CLTCL1: variants seen among roughly 807,000 people sequenced by gnomAD.
CLTCL1 encodes clathrin heavy chain like 1, also known as clathrin heavy chain 2.
CLTCL1 carries 159 observed loss-of-function variants against 190.0 expected under a neutral mutation model. The ratio of observed to expected loss-of-function variants is 0.84; its 90% confidence interval spans 0.74 to 0.95. The LOEUF is 0.95. CLTCL1 is among the 40% of genes least tolerant of loss of function. The probability of loss-of-function intolerance (pLI) is 0.00; values close to 1 mark genes in which losing one functional copy is unlikely to be tolerated. For missense variants in CLTCL1, 1,878 were observed against 2,033.4 expected (o/e 0.92, Z 1.47); for synonymous variants, 752 against 769.6 (o/e 0.98, Z 0.38).
intron 19 of CLTCL1, among the ~76,000 whole-genome samples, chr22:19,212,799 T>C (rs1194081446): frequency 6.6e-6 from 1 of 152,182 alleles, no homozygotes; most frequent in Non-Finnish European, 1.5e-5. Flanking sequence ...GACATTCATA[T>C]GCAAAAAGCT....
chr22:19,283,906 C>T (rs1194672353), intron 1 of CLTCL1, among the ~76,000 whole-genome samples: 2 of 150,940 alleles, frequency 1.3e-5, no homozygotes, highest in African/African-American at 2.4e-5. Context: ...GAACAAGAAT[C>T]GCTTGAAACC....
chr22:19,276,907 C>T (rs1197338868), intron 1 of CLTCL1, among the ~76,000 whole-genome samples: 3 of 152,216 alleles, frequency 2.0e-5, no homozygotes, highest in South Asian at 2.1e-4. Flanking sequence ...CTCCTGACCT[C>T]GTGATCCGCC....
In CLTCL1 at chr22:19,221,409, C is replaced by T. The variant is rs1555952175; in HGVS notation, c.2764G>A (p.Glu922Lys). 1.3e-6 allele frequency: 2 copies of T among 1,556,934 alleles called. No individual in the cohort carries two copies. The highest frequency in any genetic ancestry group is 1.7e-6 in the Non-Finnish European group (2 of 1,149,994). ...RDPHLACVAY[E>K]RGQCDLELIK... The stretch of plus-strand genomic sequence containing the variant: ...AGCTCAAGGTCACACTGCCCCCGCT[C>T]ATAGGCAACACAGGCCAGATGGGGG... Residue 922 changes from glutamate to lysine, a missense_variant, in exon 17 of 33, where the codon GAG becomes AAG. Glu to Lys is a moderately conservative substitution (Grantham distance 56, BLOSUM62 1). Coordinates refer to ENST00000427926, the MANE Select transcript of CLTCL1 (RefSeq NM_007098.4).
At position 19,242,941 on chromosome 22, in the gene CLTCL1, G is replaced by A. The variant is rs782626385; in HGVS notation, c.520-5C>T. ...TGCTCCAACCACACGGTTTTGCTAAGAAAAGATATTATGCAATGAAAGGGA... is the reference window on the plus strand; with the variant it reads ...TGCTCCAACCACACGGTTTTGCTAAAAAAAGATATTATGCAATGAAAGGGA... On this transcript the variant is annotated splice_region_variant and splice_polypyrimidine_tract_variant and intron_variant, in intron 3 of 32. Transcript: ENST00000427926. 9.3e-6 allele frequency: 15 copies of A among 1,609,912 alleles called. No individual in the cohort carries two copies. In the Admixed American group the frequency reaches 2.3e-4, roughly 25 times the overall value.
intron 2 of CLTCL1, among the ~76,000 whole-genome samples, chr22:19,273,739 C>A (rs1368173762): frequency 3.9e-5 from 6 of 152,206 alleles, no homozygotes; most frequent in African/African-American, 1.4e-4. Flanking sequence ...TAAAAATTAC[C>A]CCCACTTGCT....
At position 19,196,280 on chromosome 22, in the gene CLTCL1, C is replaced by CCTTGAACTGACCCTCCTT; in HGVS notation, c.4159_4176dup (p.Lys1387_Lys1392dup). The stretch of plus-strand genomic sequence containing the variant: ...TCCCCTCTTACCTTGGTAATGATGT[C>CCTTGAACTGACCCTCCTT]CTTGAACTGACCCTCCTTCCAGGCC... On this transcript the variant is annotated inframe_insertion, in exon 26 of 33. Coordinates refer to ENST00000427926, the MANE Select transcript of CLTCL1 (RefSeq NM_007098.4). The CCTTGAACTGACCCTCCTT allele has an allele frequency of 1.2e-6, 2 of 1,613,432 alleles. No individual in the cohort carries two copies. Among genetic ancestry groups the CCTTGAACTGACCCTCCTT allele is most frequent in the Non-Finnish European group, 1.7e-6 (2 of 1,179,822 alleles).
intron 19 of CLTCL1, among the ~76,000 whole-genome samples, chr22:19,214,946 T>G (rs1009862201): frequency 3.3e-4 from 51 of 152,354 alleles, no homozygotes; most frequent in African/African-American, 1.1e-3. Context: ...CGTGAGCCAC[T>G]ACGCCCAGCC....
chr22:19,229,659 T>C (rs2085856892), intron 11 of CLTCL1, among the ~76,000 whole-genome samples, 179 bp downstream of exon 11: 1 of 152,222 alleles, frequency 6.6e-6, no homozygotes, highest in South Asian at 2.1e-4. Flanking sequence ...ATGAAAGTCC[T>C]GTATCATGAT....
chr22:19,239,450 A>G, intron 4 of CLTCL1, 62 bp from the exon 5 acceptor site: 1 of 1,234,120 alleles, frequency 8.1e-7, no homozygotes, highest in Non-Finnish European at 1.2e-6. Context: ...AGTGCTAGTC[A>G]AGGCACAGAG....
In CLTCL1 at chr22:19,279,492, TACA is replaced by T. The variant is rs530986428; in HGVS notation, c.43-3665_43-3663del. ...CATCTGAGGTTTCCCCTCCAAATTC[TACA>T]ACATTATCCATCAGATTTGTGAGCC... On this transcript the variant is annotated intron_variant, in intron 1 of 32. Coordinates refer to ENST00000427926, the MANE Select transcript of CLTCL1 (RefSeq NM_007098.4). 3.4e-3 allele frequency among the ~76,000 whole-genome samples: 511 copies of T among 152,328 alleles called. 18 individuals carry two copies. The highest frequency in any genetic ancestry group is 5.2e-3 in the East Asian group (27 of 5,182).
At chr22:19,268,528 C>T (rs541393444) in intron 2 of CLTCL1, among the ~76,000 whole-genome samples, 135 of 150,732 alleles carry the variant, frequency 9.0e-4, no homozygotes, top group African/African-American at 3.2e-3. Flanking sequence ...CAATTAAGAA[C>T]TGGGCAAATA....
chr22:19,241,045 C>T (rs923939298), intron 4 of CLTCL1, among the ~76,000 whole-genome samples: 5 of 152,296 alleles, frequency 3.3e-5, no homozygotes, highest in South Asian at 4.1e-4. Flanking sequence ...ACCCTGCAGC[C>T]GGGAGGACCG....
chr22:19,280,219 T>A (rs150327502), intron 1 of CLTCL1, among the ~76,000 whole-genome samples: 4 of 152,206 alleles, frequency 2.6e-5, no homozygotes, highest in Non-Finnish European at 4.4e-5. Flanking sequence ...CTCTAATACA[T>A]AAAATGTCAA....
At chr22:19,200,710 C>T (rs1270781470) in intron 23 of CLTCL1, among the ~76,000 whole-genome samples, 1 of 152,106 alleles carries the variant, frequency 6.6e-6, no homozygotes, top group Non-Finnish European at 1.5e-5. Flanking sequence ...GGCGTGGTGG[C>T]GGGCGCCTGT....
intron 19 of CLTCL1, among the ~76,000 whole-genome samples, chr22:19,213,254 A>C (rs1368461612): frequency 6.6e-6 from 1 of 152,212 alleles, no homozygotes; most frequent in Non-Finnish European, 1.5e-5. Flanking sequence ...GGGCAATGCA[A>C]ATTGAAACCA....
At chr22:19,219,388 T>C (rs1353062280) in intron 18 of CLTCL1, among the ~76,000 whole-genome samples, 3 of 152,190 alleles carry the variant, frequency 2.0e-5, no homozygotes, top group Middle Eastern at 6.8e-3. Flanking sequence ...TTTCACTATG[T>C]TGGCCAGGCT....
At chr22:19,276,805 G>A (rs1555983600) in intron 1 of CLTCL1, among the ~76,000 whole-genome samples, 5 of 152,106 alleles carry the variant, frequency 3.3e-5, no homozygotes, top group African/African-American at 7.2e-5. Context: ...AAGTAGCTGG[G>A]GCTTCAGGCG....
At chr22:19,223,183 C>T (rs2145782694) in intron 14 of CLTCL1, among the ~76,000 whole-genome samples, 1 of 152,314 alleles carries the variant, frequency 6.6e-6, no homozygotes, top group East Asian at 1.9e-4. Flanking sequence ...CATGGAAACA[C>T]ACCCGGCCAC....
intron 23 of CLTCL1, 73 bp downstream of exon 23, chr22:19,201,256 G>A (rs2084870705): frequency 6.7e-6 from 10 of 1,496,356 alleles, no homozygotes; most frequent in Admixed American, 4.1e-5. Context: ...GAAGAGTACC[G>A]AGCAGAACGC....
Sources: gnomAD v4.1 joint callset for allele counts (sites outside exome capture counted in the v4.1 genomes callset) on GRCh38, gnomAD v4.1.1 for gene constraint, MANE v1.5 for transcripts, NCBI Gene and HGNC (gene_info 2026-07-23, HGNC 2026-07-21) for gene names.